The following CEP128 variants were observed in gnomAD, a reference collection of about 807,000 sequenced individuals.
CEP128 encodes centrosomal protein 128.
CEP128 carries 132 observed loss-of-function variants against 156.7 expected under a neutral mutation model. That is an observed-to-expected ratio of 0.84 (90% CI 0.73 to 0.97). The LOEUF is 0.97. CEP128 is among the 50% of genes least tolerant of loss of function. The pLI is 0.00. For missense variants in CEP128, 1,252 were observed against 1,281.9 expected, an observed-to-expected ratio of 0.98 and a Z score of 0.36; for synonymous variants, 469 against 448.9, an observed-to-expected ratio of 1.04 and a Z score of -0.57.
At chr14:80,703,602 G>A (rs924183009) in intron 19 of CEP128, among the ~76,000 whole-genome samples, 5 of 151,920 alleles carry the variant, frequency 3.3e-5, no homozygotes, top group Admixed American at 6.6e-5. Context: ...TAAAACCAAT[G>A]TCACTTTTTA....
chr14:80,871,790 T>C (rs1018184305), intron 8 of CEP128, among the ~76,000 whole-genome samples: 2 of 152,124 alleles, frequency 1.3e-5, no homozygotes, highest in African/African-American at 4.8e-5. Flanking sequence ...TAAATCTCCA[T>C]ATTTGGTTAT....
intron 8 of CEP128, among the ~76,000 whole-genome samples, chr14:80,895,387 A>C (rs8010968): frequency 0.065 from 9,951 of 152,218 alleles, 1,077 homozygotes; most frequent in African/African-American, 0.23. Flanking sequence ...TAAAAACTAC[A>C]GAAAAATCAG....
At chr14:80,613,007 ATTTTTTTT>A (rs66946967) in intron 19 of CEP128, among the ~76,000 whole-genome samples, 1 of 114,702 alleles carries the variant, frequency 8.7e-6, no homozygotes, top group Non-Finnish European at 1.8e-5. Flanking sequence ...CACCCGGCGA[ATTTTTTTT>A]TTTTTTTTTT....
At chr14:80,686,380 G>A (rs1439517441) in intron 19 of CEP128, among the ~76,000 whole-genome samples, 2 of 151,972 alleles carry the variant, frequency 1.3e-5, no homozygotes, top group Non-Finnish European at 2.9e-5. Flanking sequence ...CAAATGCTGG[G>A]GGAATTTGTC....
At chr14:80,640,870 T>G (rs1894376338) in intron 19 of CEP128, among the ~76,000 whole-genome samples, 1 of 152,176 alleles carries the variant, frequency 6.6e-6, no homozygotes, top group South Asian at 2.1e-4. Context: ...AATCTAAACT[T>G]GTTATTGTCT....
intron 23 of CEP128, among the ~76,000 whole-genome samples, chr14:80,514,976 G>A (rs549540254): frequency 2.0e-4 from 30 of 152,324 alleles, no homozygotes; most frequent in African/African-American, 6.7e-4. Flanking sequence ...TGTGAGTCTT[G>A]CAGACTCATA....
At chr14:80,919,330 G>A (rs766363526) in intron 2 of CEP128, among the ~76,000 whole-genome samples, 2 of 152,090 alleles carry the variant, frequency 1.3e-5, no homozygotes, top group African/African-American at 4.8e-5. Context: ...TGATATTTAA[G>A]ATACAAAATA....
chr14:80,885,735 C>T (rs1244595079), intron 8 of CEP128, among the ~76,000 whole-genome samples: 1 of 152,100 alleles, frequency 6.6e-6, no homozygotes, highest in Admixed American at 6.5e-5. Context: ...CAAATGATCG[C>T]AACTCCTCTC....
chr14:80,504,416 C>T (rs1337741105), intron 24 of CEP128, among the ~76,000 whole-genome samples: 2 of 152,142 alleles, frequency 1.3e-5, no homozygotes, highest in Non-Finnish European at 2.9e-5. Context: ...AGGGATAGAT[C>T]GTGGCAGATG....
intron 2 of CEP128, among the ~76,000 whole-genome samples, chr14:80,947,245 A>G (rs1226613360): frequency 1.3e-5 from 2 of 152,168 alleles, no homozygotes; most frequent in Admixed American, 1.3e-4. Flanking sequence ...CATTTTCCTC[A>G]AATGTTTATT....
intron 21 of CEP128, among the ~76,000 whole-genome samples, chr14:80,556,192 A>G (rs1321822844): frequency 1.3e-5 from 2 of 152,146 alleles, no homozygotes; most frequent in Non-Finnish European, 2.9e-5. Context: ...AGGAAAATTT[A>G]CATTAACATT....
intron 22 of CEP128, among the ~76,000 whole-genome samples, chr14:80,529,511 T>A (rs1889129801): frequency 6.6e-6 from 1 of 152,220 alleles, no homozygotes; most frequent in African/African-American, 2.4e-5. Context: ...GAAAAAGTGA[T>A]CTGTCACTGG....
chr14:80,506,311 G>A (rs1292617856), intron 23 of CEP128, among the ~76,000 whole-genome samples: 7 of 150,250 alleles, frequency 4.7e-5, no homozygotes, highest in Non-Finnish European at 7.4e-5. Flanking sequence ...GTGAGGTCCA[G>A]GGCCATGCTC....
chr14:80,812,839 A>C (rs1202293268), intron 13 of CEP128, among the ~76,000 whole-genome samples: 1 of 152,170 alleles, frequency 6.6e-6, no homozygotes, highest in Non-Finnish European at 1.5e-5. Flanking sequence ...CTGGGATTAC[A>C]AGCGTGAGCC....
intron 8 of CEP128, among the ~76,000 whole-genome samples, chr14:80,867,021 G>A (rs942204857): frequency 4.9e-4 from 75 of 152,218 alleles, no homozygotes; most frequent in African/African-American, 1.8e-3. Context: ...AAAAATCTCA[G>A]TATATATTTT....
chr14:80,761,683 T>C (rs766443016), intron 16 of CEP128, 70 bp from the exon 17 acceptor site: 196 of 1,110,006 alleles, frequency 1.8e-4, no homozygotes, highest in Middle Eastern at 1.3e-3. Flanking sequence ...TTGTAATATC[T>C]GTTCAACCAA....
Position 80,625,728 on chromosome 14 carries a change from C to T in CEP128, c.2807-45305G>A, listed in dbSNP as rs1312436504. Among the ~76,000 whole-genome samples the T allele has an allele frequency of 2.0e-5, 3 of 151,488 alleles. No individual in the cohort carries two copies. The East Asian group carries it at 5.8e-4, about 29-fold the overall frequency. On this transcript the variant is annotated intron_variant, in intron 19 of 24. Coordinates refer to ENST00000555265, the MANE Select transcript of CEP128 (RefSeq NM_152446.5). Reference sequence around the variant, plus strand: ...CTTCCGTCCTCTCCTTCCCCTTCCCCTTTTCCTTCCTTCCTTCCTTCATTT... The same window carrying T: ...CTTCCGTCCTCTCCTTCCCCTTCCCTTTTTCCTTCCTTCCTTCCTTCATTT...
chr14:80,477,170 TA>T (rs1262548573), exon 15 of CEP128: 1 of 152,006 alleles, frequency 6.6e-6, no homozygotes, highest in Non-Finnish European at 1.5e-5. Flanking sequence ...AACAGAAAAC[TA>T]GGACCTAAAA....
rs561389636 is a variant in CEP128 at position 80,658,807 on chromosome 14, G to A, written c.2807-78384C>T. ...GGTCCATCAGTGCTATTTTGAGAAG[G>A]GAACACCATGGACAAAATCACATTA... is the stretch of plus-strand genomic sequence containing the variant. On this transcript the variant is annotated intron_variant, in intron 19 of 24. Coordinates refer to ENST00000555265, the MANE Select transcript of CEP128 (RefSeq NM_152446.5). Among the ~76,000 whole-genome samples the A allele has an allele frequency of 3.3e-5, 5 of 152,242 alleles. No individual in the cohort carries two copies. In the East Asian group the frequency reaches 9.6e-4, roughly 29 times the overall value.
Sources: gnomAD v4.1 joint callset for allele counts (sites outside exome capture counted in the v4.1 genomes callset) on GRCh38, gnomAD v4.1.1 for gene constraint, MANE v1.5 for transcripts, NCBI Gene and HGNC (gene_info 2026-07-23, HGNC 2026-07-21) for gene names.